PRPH2: variants seen among roughly 807,000 people sequenced by gnomAD.
The protein encoded by PRPH2 is peripherin 2, also known as peripherin-2.
Under a neutral mutation model 31.3 loss-of-function variants are expected in PRPH2, and 17 were observed. That is an observed-to-expected ratio of 0.54 (90% CI 0.37 to 0.81). PRPH2 has a LOEUF of 0.81. PRPH2 is among the 40% of genes least tolerant of loss of function. PRPH2 has a pLI of 0.00. For synonymous variants in PRPH2, 165 were observed against 184.4 expected (o/e 0.89, Z 0.85); for missense variants, 430 against 439.7 (o/e 0.98, Z 0.20).
chr6:42,711,713 C>T (rs1761647544), intron 1 of PRPH2: 1 of 966,454 alleles, frequency 1.0e-6, no homozygotes, highest in Non-Finnish European at 1.2e-6. Context: ...TTCTAATCTT[C>T]TCCTTGAGAT....
intron 1 of PRPH2, among the ~76,000 whole-genome samples, chr6:42,707,563 G>A (rs898124041): frequency 5.3e-5 from 8 of 152,154 alleles, no homozygotes; most frequent in African/African-American, 1.9e-4. Flanking sequence ...ACACAGGTCA[G>A]ACTTTTGATC....
chr6:42,701,446 G>C (rs979692260), intron 2 of PRPH2, among the ~76,000 whole-genome samples: 7 of 151,682 alleles, frequency 4.6e-5, no homozygotes, highest in African/African-American at 1.7e-4. Context: ...TTTTTGTAGA[G>C]ATGAGATCTT....
At chr6:42,711,243 C>T (rs373120125) in intron 1 of PRPH2, among the ~76,000 whole-genome samples, 6 of 152,130 alleles carry the variant, frequency 3.9e-5, no homozygotes, top group East Asian at 1.9e-4. Context: ...TCAGCAGATG[C>T]GGGCCCCTCC....
intron 1 of PRPH2, among the ~76,000 whole-genome samples, chr6:42,710,637 G>A (rs1045495857): frequency 2.0e-4 from 31 of 152,290 alleles, no homozygotes; most frequent in African/African-American, 6.5e-4. Flanking sequence ...GGAAGGGGCC[G>A]GGGGCGGTGG....
Position 42,722,125 on chromosome 6 carries a change from T to C in PRPH2, c.210A>G (p.Leu70=). ...CAGCCAGCGAGTTGAAGACACAGGA[T>C]AGCACCCCCATCCCTATCAATGAGT... ...VPNSLIGMGV[L]SCVFNSLAGK... is the part of the protein sequence containing the mutation. Residue 70 remains leucine (L), a synonymous_variant, in exon 1 of 3, where the codon CTA becomes CTG. Transcript: ENST00000230381. The surrounding 1 kb of genome is among the most constrained non-coding windows in gnomAD (Gnocchi z 4.4). The C allele has an allele frequency of 6.2e-7, 1 of 1,614,120 alleles. No individual in the cohort carries two copies. Among genetic ancestry groups the C allele is most frequent in the Non-Finnish European group, 8.5e-7 (1 of 1,180,004 alleles).
intron 1 of PRPH2, among the ~76,000 whole-genome samples, chr6:42,705,574 TAAAAAAAAAAAAAAA>T (rs1186158334): frequency 4.5e-5 from 1 of 22,262 alleles, no homozygotes. Flanking sequence ...AGACTTTCTC[TAAAAAAAAAAAAAAA>T]AAAAAAAAAA....
At chr6:42,706,171 T>C (rs1379200157) in intron 1 of PRPH2, among the ~76,000 whole-genome samples, 7 of 151,512 alleles carry the variant, frequency 4.6e-5, no homozygotes, top group Non-Finnish European at 8.8e-5. Flanking sequence ...TTTGGGAGGC[T>C]GAGGCGGGTG....
chr6:42,699,763 C>T (rs983602143), intron 2 of PRPH2, among the ~76,000 whole-genome samples: 12 of 151,990 alleles, frequency 7.9e-5, no homozygotes, highest in African/African-American at 2.2e-4. Context: ...TGTGGTGGCG[C>T]GTGCCTGTAG....
At chr6:42,713,406 G>C (rs916051079) in intron 1 of PRPH2, among the ~76,000 whole-genome samples, 6 of 152,172 alleles carry the variant, frequency 3.9e-5, no homozygotes, top group Non-Finnish European at 7.4e-5. Flanking sequence ...GGCCAGGGGA[G>C]GGAGATGTGG....
intron 2 of PRPH2, among the ~76,000 whole-genome samples, chr6:42,702,830 A>G (rs906238202): frequency 1.3e-5 from 2 of 151,656 alleles, no homozygotes; most frequent in Non-Finnish European, 2.9e-5. Context: ...AGATCGTGCC[A>G]TTGCACTCCA....
Position 42,722,082 on chromosome 6 carries a change from C to T in PRPH2, c.253G>A (p.Ala85Thr), listed in dbSNP as rs760311433. ...NSLAGKICYD[A>T]LDPAKYARWK... ...CTGGCATACTTGGCTGGGTCCAGGG[C>T]GTCGTAGCAGATCTTCCCAGCCAGC... The change falls in exon 1 of 3, where the codon GCC (alanine) becomes ACC (threonine). Residue 85 changes from alanine (A) to threonine (T), a missense_variant. Transcript: ENST00000230381. This position sits in a 1 kb window ranked among gnomAD's most constrained non-coding sequence, Gnocchi z 4.4. 17 of 1,614,026 alleles carry T rather than the reference C, an allele frequency of 1.1e-5. No homozygotes were observed. The highest frequency in any genetic ancestry group is 8.3e-5 in the Admixed American group (5 of 59,978).
chr6:42,717,836 C>T (rs1397340420), intron 1 of PRPH2, among the ~76,000 whole-genome samples: 1 of 152,148 alleles, frequency 6.6e-6, no homozygotes, highest in Non-Finnish European at 1.5e-5. Context: ...TCCCAGGAGC[C>T]TCACTTCCCT....
rs1399905083 is a variant in PRPH2, at chr6:42,719,060, A to G, written c.581+2694T>C. On this transcript the variant is annotated intron_variant, in intron 1 of 2. Transcript: ENST00000230381. ...CCTAAGGGAAATAAAAGACAGAGACAGAGAGAAGCAAAATGCTCAAAGATG... is the reference window on the plus strand; with the variant it reads ...CCTAAGGGAAATAAAAGACAGAGACGGAGAGAAGCAAAATGCTCAAAGATG... 2.0e-5 allele frequency among the ~76,000 whole-genome samples: 3 copies of G among 152,256 alleles called. No individual in the cohort carries two copies. In the East Asian group the frequency reaches 5.8e-4, roughly 29 times the overall value.
In PRPH2 at chr6:42,719,290, C is replaced by T. The variant is rs150077355; in HGVS notation, c.581+2464G>A. 9.9e-5 allele frequency among the ~76,000 whole-genome samples: 15 copies of T among 152,052 alleles called. No homozygotes were observed. The East Asian group carries it at 2.9e-3, about 30-fold the overall frequency. On this transcript the variant is annotated intron_variant, in intron 1 of 2. Transcript: ENST00000230381. ...TTCTCTGGTTCAAGCAATTCTCCTGCCTCAGCCTCCCGAGTAGCTGAGATT... is the reference window on the plus strand; with the variant it reads ...TTCTCTGGTTCAAGCAATTCTCCTGTCTCAGCCTCCCGAGTAGCTGAGATT...
chr6:42,711,672 T>C, intron 1 of PRPH2: 10 of 835,650 alleles, frequency 1.2e-5, no homozygotes, highest in Non-Finnish European at 1.4e-5. Context: ...AGAGTTCCCG[T>C]CTGAGAGGGG....
intron 1 of PRPH2, among the ~76,000 whole-genome samples, chr6:42,716,276 T>A (rs897684678): frequency 1.3e-5 from 2 of 152,088 alleles, no homozygotes; most frequent in African/African-American, 4.8e-5. Flanking sequence ...AAAGGAGAAT[T>A]CTGCCTGGCA....
chr6:42,700,092 G>A (rs1800019732), intron 2 of PRPH2, among the ~76,000 whole-genome samples: 2 of 151,842 alleles, frequency 1.3e-5, no homozygotes, highest in African/African-American at 4.8e-5. Context: ...CCGAGTAGCT[G>A]GGATTACAGG....
chr6:42,719,730 C>T (rs1413067031), intron 1 of PRPH2, among the ~76,000 whole-genome samples: 5 of 151,700 alleles, frequency 3.3e-5, no homozygotes, highest in South Asian at 2.1e-4. Flanking sequence ...TCACCATGCC[C>T]GGCTAATTTT....
intron 1 of PRPH2, among the ~76,000 whole-genome samples, chr6:42,707,245 G>C (rs9357402): frequency 6.6e-6 from 1 of 151,916 alleles, no homozygotes; most frequent in Non-Finnish European, 1.5e-5. Context: ...ATTTTTGTTT[G>C]TTAATGAGCT....
Sources: gnomAD v4.1 joint callset for allele counts (sites outside exome capture counted in the v4.1 genomes callset) on GRCh38, gnomAD v4.1.1 for gene constraint, Gnocchi (gnomAD v3.1) non-coding constraint, MANE v1.5 for transcripts, NCBI Gene and HGNC (gene_info 2026-07-23, HGNC 2026-07-21) for gene names.